Variants in MYH16 observed in about 807,000 individuals in gnomAD.
The protein encoded by MYH16 is putative uncharacterized protein MYH16.
At chr7:99,244,052 T>C (rs973406540) in intron 2 of MYH16, among the ~76,000 whole-genome samples, 2 of 151,910 alleles carry the variant, frequency 1.3e-5, no homozygotes, top group African/African-American at 4.8e-5. Flanking sequence ...CATCGATCCA[T>C]ACATATATAC....
chr7:99,283,390 C>A (rs1345887487), intron 23 of MYH16, among the ~76,000 whole-genome samples, 175 bp from the exon 6 acceptor site: 1 of 152,252 alleles, frequency 6.6e-6, no homozygotes, highest in Non-Finnish European at 1.5e-5. Context: ...TCTGGTCCAT[C>A]TGCTCTGGCC....
chr7:99,277,060 A>C (rs1395814352), intron 20 of MYH16, among the ~76,000 whole-genome samples: 1 of 118,624 alleles, frequency 8.4e-6, no homozygotes, highest in African/African-American at 6.1e-5. Context: ...AGAGAGACAC[A>C]GAGAGAGAGA....
At chr7:99,295,864 G>A (rs1314784524) in intron 33 of MYH16, among the ~76,000 whole-genome samples, 5 of 141,440 alleles carry the variant, frequency 3.5e-5, no homozygotes, top group Admixed American at 1.4e-4. Context: ...AAAAAAGGCT[G>A]GGCACAGTGG....
downstream of MYH16, among the ~76,000 whole-genome samples, chr7:99,308,571 C>T (rs143481875): frequency 1.5e-4 from 23 of 152,190 alleles, no homozygotes; most frequent in Non-Finnish European, 2.2e-4. Flanking sequence ...AACATGGTCC[C>T]GGGACCAGCA....
At chr7:99,268,342 T>G (rs909012392) in intron 18 of MYH16, among the ~76,000 whole-genome samples, 1 of 152,050 alleles carries the variant, frequency 6.6e-6, no homozygotes, top group African/African-American at 2.4e-5. Flanking sequence ...ATGGGAAACT[T>G]AAGAAAGCCT....
At chr7:99,280,895 G>A (rs1325953243) in exon 23 of MYH16, 7 of 413,626 alleles carry the variant, frequency 1.7e-5, no homozygotes, top group Admixed American at 2.8e-5. Flanking sequence ...CACAAGGTCC[G>A]TACCCTGACG....
At chr7:99,295,650 G>A (rs1584357799) in intron 33 of MYH16, among the ~76,000 whole-genome samples, 2 of 152,006 alleles carry the variant, frequency 1.3e-5, no homozygotes, top group African/African-American at 2.4e-5. Context: ...CACGTAGGCA[G>A]GAGGTCATAT....
chr7:99,260,518 G>C, intron 12 of MYH16: 2 of 341,436 alleles, frequency 5.9e-6, no homozygotes, highest in South Asian at 3.2e-5. Context: ...ACTACTGTTT[G>C]TTGGGCTATT....
intron 34 of MYH16, among the ~76,000 whole-genome samples, chr7:99,297,123 C>T (rs1792511151): frequency 6.6e-6 from 1 of 152,188 alleles, no homozygotes; most frequent in South Asian, 2.1e-4. Flanking sequence ...CTGTGCCTCA[C>T]TTTCCTCATC....
chr7:99,241,948 C>A (rs957866754), intron 1 of MYH16, among the ~76,000 whole-genome samples: 3 of 151,974 alleles, frequency 2.0e-5, no homozygotes, highest in Non-Finnish European at 4.4e-5. Flanking sequence ...GCAACCCCCG[C>A]CCCCTGGGTT....
intron 1 of MYH16, among the ~76,000 whole-genome samples, chr7:99,240,549 C>G (rs1176313797): frequency 6.6e-6 from 1 of 152,130 alleles, no homozygotes; most frequent in Non-Finnish European, 1.5e-5. Context: ...TGGTTAATTT[C>G]TTGATTAAAA....
intron 20 of MYH16, among the ~76,000 whole-genome samples, chr7:99,273,798 GAGAGAGGAAAGGAAGAC>G (rs1377592372): frequency 5.3e-5 from 8 of 149,806 alleles, no homozygotes; most frequent in East Asian, 2.0e-4. Context: ...GAAAGGAAGG[GAGAGAGGAAAGGAAGAC>G]AGAGAGGAAA....
intron 33 of MYH16, among the ~76,000 whole-genome samples, chr7:99,295,818 G>A (rs1193516302): frequency 6.9e-6 from 1 of 143,918 alleles, no homozygotes; most frequent in Non-Finnish European, 1.5e-5. Flanking sequence ...GGGTGACAGA[G>A]TGAGACCTCA....
At chr7:99,288,121 C>A (rs766184861) in exon 29 of MYH16, 27 of 456,460 alleles carry the variant, frequency 5.9e-5, no homozygotes, top group African/African-American at 3.4e-4. Context: ...AGCATGGAGA[C>A]GATACAGAAG....
chr7:99,256,275 CAAAAAAAAAAAAA>C lies in MYH16; in HGVS notation n.996+604_996+616del, dbSNP rs55894638. ...GCAACATACTAAGATCCCGTCTCTG[CAAAAAAAAAAAAA>C]AAAAAAAAAAAAATTTAAATTTGAA... On this transcript the variant is annotated intron_variant and non_coding_transcript_variant, in intron 9 of 41. Coordinates refer to ENST00000439784, the Ensembl canonical transcript of MYH16. Among the ~76,000 whole-genome samples, 417 of 71,026 alleles carry C rather than the reference CAAAAAAAAAAAAA, an allele frequency of 5.9e-3. 4 individuals are homozygous for C. The highest frequency in any genetic ancestry group is 3.2e-3 in the Non-Finnish European group (119 of 37,454). 46.6% of individuals were successfully genotyped at this position (71,026 alleles called of 152,430 possible). A position where few individuals can be genotyped will look rare whatever the true frequency, so the allele number is the denominator to read the frequency against.
Position 99,291,457 on chromosome 7 carries a change from T to C in MYH16, n.3952+7T>C. On this transcript the variant is annotated splice_region_variant and intron_variant and non_coding_transcript_variant, in intron 31 of 41. Transcript: ENST00000439784. ...GCTGGATGAAGAGTCAAAGGTTTGT[T>C]TGGACGTGGGGTTGCGGTGGAGACA... 2.2e-6 allele frequency: 1 copy of C among 456,396 alleles called. No individual in the cohort carries two copies. The highest frequency in any genetic ancestry group is 1.5e-5 in the South Asian group (1 of 64,554). 28.3% of individuals were successfully genotyped at this position (456,396 alleles called of 1,614,324 possible).
chr7:99,274,858 G>A (rs1447544559), intron 20 of MYH16, among the ~76,000 whole-genome samples: 1 of 151,868 alleles, frequency 6.6e-6, no homozygotes, highest in Non-Finnish European at 1.5e-5. Flanking sequence ...ATTTTTAGTA[G>A]AGACAGGGTT....
intron 34 of MYH16, among the ~76,000 whole-genome samples, chr7:99,297,153 C>T (rs186353351): frequency 1.6e-4 from 25 of 152,218 alleles, no homozygotes; most frequent in Admixed American, 6.6e-5. Flanking sequence ...AGGAAATAGC[C>T]GGGTGTGATA....
chr7:99,308,281 C>T (rs1368492608), downstream of MYH16, among the ~76,000 whole-genome samples: 2 of 106,090 alleles, frequency 1.9e-5, no homozygotes, highest in African/African-American at 3.9e-5. Flanking sequence ...GGTGACAGAG[C>T]GAGGCTCTGT....
Sources: allele counts gnomAD v4.1 joint callset (sites outside exome capture counted in the v4.1 genomes callset), GRCh38; gene constraint gnomAD v4.1.1; transcripts MANE v1.5; gene names NCBI Gene and HGNC (gene_info 2026-07-23, HGNC 2026-07-21).